The following CARF variants were observed in gnomAD, a reference collection of about 807,000 sequenced individuals.
CARF encodes the protein calcium responsive transcription factor.
Under a neutral mutation model 82.0 loss-of-function variants are expected in CARF, and 57 were observed. The ratio of observed to expected loss-of-function variants is 0.70; its 90% CI spans 0.56 to 0.87. The LOEUF (loss-of-function observed/expected upper bound fraction) is 0.87, where lower values mean the gene tolerates loss of function less well. Among genes scored for constraint, CARF ranks in the 40% least tolerant of loss-of-function variants. The pLI is 0.00. For missense variants in CARF, 771 were observed against 855.8 expected, an observed-to-expected ratio of 0.90 and a Z score of 1.24; for synonymous variants, 268 against 290.1, an observed-to-expected ratio of 0.92 and a Z score of 0.77.
rs2060436303 is a variant in CARF at position 202,986,629 on chromosome 2, A to G, written c.*3005A>G. ...TTTTGTACAAACAGTTAGTATAATT[A>G]AAAGGAAAAGCTTTTATATTTTATG... On this transcript the variant is annotated 3_prime_UTR_variant, in exon 17 of 17. Coordinates refer to ENST00000438828, the MANE Select transcript of CARF (RefSeq NM_024744.17). 1 of 151,864 alleles carries G rather than the reference A, an allele frequency of 6.6e-6. No individual in the cohort carries two copies. Among genetic ancestry groups the G allele is most frequent in the Non-Finnish European group, 1.5e-5 (1 of 67,896 alleles). 9.4% of individuals were successfully genotyped at this position (151,864 alleles called of 1,614,324 possible).
rs67693134 is a variant in CARF, at chr2:202,986,868, GTATATATATATATATATA to G, written c.*3267_*3284del. 2.4e-4 allele frequency: 7 copies of G among 29,652 alleles called. 1 individual carries two copies. Among genetic ancestry groups the G allele is most frequent in the Admixed American group, 8.1e-4 (2 of 2,472 alleles). The allele number at this position is 29,652 out of a possible 1,614,324, so 1.8% of individuals were successfully genotyped here. The stretch of plus-strand genomic sequence containing the variant: ...AAAGAGGTTTAAAAAATGTCTGTGC[GTATATATATATATATATA>G]TATATATATATATATATATATAGCA... On this transcript the variant is annotated 3_prime_UTR_variant, in exon 17 of 17. Transcript: ENST00000438828.
intron 8 of CARF, among the ~76,000 whole-genome samples, chr2:202,956,023 A>G (rs2059021230): frequency 6.6e-6 from 1 of 150,600 alleles, no homozygotes; most frequent in Admixed American, 6.6e-5. Context: ...CTTCACTATC[A>G]TGTTTCTCTA....
chr2:202,914,550 G>A (rs1214036722), intron 1 of CARF, among the ~76,000 whole-genome samples: 4 of 151,936 alleles, frequency 2.6e-5, no homozygotes, highest in Admixed American at 6.6e-5. Flanking sequence ...TGGCTGAGGC[G>A]GGTGGAGCAC....
intron 5 of CARF, among the ~76,000 whole-genome samples, chr2:202,947,733 G>A (rs2058566924): frequency 6.6e-6 from 1 of 152,036 alleles, no homozygotes; most frequent in Admixed American, 6.6e-5. Flanking sequence ...TTTTAAGTTC[G>A]ATATAGATGC....
chr2:202,941,936 C>G lies in CARF; in HGVS notation c.34C>G (p.His12Asp), dbSNP rs577882043. The stretch of plus-strand genomic sequence containing the variant: ...ATCTAATGATTCATTAAGAGTCAAC[C>G]ATAATGACGGTGAAGAGTCAAAAAC... Reference protein sequence around the residue: ...EQSNDSLRVNHNDGEESKTSA... With the variant: ...EQSNDSLRVNDNDGEESKTSA... Residue 12 changes from histidine to aspartate, a missense_variant, in exon 4 of 17, where the codon CAT becomes GAT. By Grantham distance (81) the His-to-Asp change is moderately conservative. Coordinates refer to ENST00000438828, the MANE Select transcript of CARF (RefSeq NM_024744.17). 3.7e-6 allele frequency: 6 copies of G among 1,613,420 alleles called. No individual in the cohort carries two copies. The South Asian group carries it at 5.5e-5, about 15-fold the overall frequency.
At chr2:202,932,768 T>TTAAGACACC (rs753113443) in intron 3 of CARF, among the ~76,000 whole-genome samples, 27 of 151,756 alleles carry the variant, frequency 1.8e-4, no homozygotes, top group Non-Finnish European at 3.2e-4. Context: ...GAGAAGGGTG[T>TTAAGACACC]CTTAGCAGCT....
At chr2:202,921,301 G>A (rs1460322238) in intron 2 of CARF, among the ~76,000 whole-genome samples, 6 of 152,110 alleles carry the variant, frequency 3.9e-5, no homozygotes, top group Admixed American at 2.0e-4. Flanking sequence ...CACTGCACCT[G>A]GCCCAAAGTT....
intron 8 of CARF, among the ~76,000 whole-genome samples, chr2:202,958,329 T>C (rs533017900): frequency 2.2e-4 from 34 of 151,352 alleles, no homozygotes; most frequent in Non-Finnish European, 4.0e-4. Context: ...GGTTTTTCAG[T>C]GGTTTCCTAA....
intron 3 of CARF, chr2:202,925,467 A>G: frequency 3.7e-6 from 1 of 270,678 alleles, no homozygotes; most frequent in Admixed American, 4.2e-5. Flanking sequence ...GCTGAGCTGA[A>G]ACTGAAAGCA....
intron 14 of CARF, among the ~76,000 whole-genome samples, chr2:202,978,017 TG>T (rs1200258784): frequency 2.0e-5 from 3 of 152,160 alleles, no homozygotes; most frequent in Non-Finnish European, 4.4e-5. Flanking sequence ...GGCTAATTTT[TG>T]TATTTTTAGT....
intron 3 of CARF, among the ~76,000 whole-genome samples, chr2:202,936,312 T>G: frequency 6.6e-6 from 1 of 152,190 alleles, no homozygotes; most frequent in East Asian, 1.9e-4. Flanking sequence ...AACTTAAAAT[T>G]AATCCCTTTA....
intron 14 of CARF, among the ~76,000 whole-genome samples, chr2:202,977,619 G>T (rs1338031889): frequency 6.6e-6 from 1 of 152,116 alleles, no homozygotes; most frequent in Non-Finnish European, 1.5e-5. Context: ...ATAACCCTAA[G>T]ATGCCCTGAT....
intron 8 of CARF, among the ~76,000 whole-genome samples, chr2:202,959,725 T>C (rs1374090121): frequency 6.6e-6 from 1 of 151,290 alleles, no homozygotes; most frequent in African/African-American, 2.4e-5. Flanking sequence ...AGGAGAATCA[T>C]CTGAACCCGG....
intron 7 of CARF, among the ~76,000 whole-genome samples, chr2:202,955,252 T>G (rs2058982858): frequency 6.6e-6 from 1 of 152,214 alleles, no homozygotes; most frequent in African/African-American, 2.4e-5. Flanking sequence ...AGACATTATT[T>G]TTGACATTTA....
intron 3 of CARF, among the ~76,000 whole-genome samples, chr2:202,941,280 C>T (rs2105799840): frequency 6.6e-6 from 1 of 152,096 alleles, no homozygotes; most frequent in East Asian, 1.9e-4. Flanking sequence ...AAAATTGCCC[C>T]AATTGAGAAC....
chr2:202,947,169 A>G (rs2058535585), intron 5 of CARF, among the ~76,000 whole-genome samples: 1 of 152,246 alleles, frequency 6.6e-6, no homozygotes, highest in Admixed American at 6.5e-5. Context: ...ATAAAGACAC[A>G]TGGACATGTA....
At position 202,986,866 on chromosome 2, in the gene CARF, G is replaced by A; in HGVS notation, c.*3242G>A. ...AAAAAGAGGTTTAAAAAATGTCTGT[G>A]CGTATATATATATATATATATATAT... On this transcript the variant is annotated 3_prime_UTR_variant, in exon 17 of 17. Coordinates refer to ENST00000438828, the MANE Select transcript of CARF (RefSeq NM_024744.17). The A allele has an allele frequency of 1.0e-4, 1 of 9,626 alleles. No individual in the cohort carries two copies. The highest frequency in any genetic ancestry group is 2.7e-3 in the East Asian group (1 of 372). 0.6% of individuals were successfully genotyped at this position (9,626 alleles called of 1,614,324 possible).
At chr2:202,945,152 C>A (rs1423073007) in intron 5 of CARF, among the ~76,000 whole-genome samples, 1 of 152,112 alleles carries the variant, frequency 6.6e-6, no homozygotes, top group Non-Finnish European at 1.5e-5. Context: ...TTTCAGTGGA[C>A]TGTATTTTTT....
Position 202,982,327 on chromosome 2 carries a change from G to A in CARF, c.1945G>A (p.Val649Ile). 1.9e-6 allele frequency: 3 copies of A among 1,614,130 alleles called. No individual in the cohort carries two copies. The highest frequency in any genetic ancestry group is 2.5e-6 in the Non-Finnish European group (3 of 1,180,004). The part of the protein sequence containing the change: ...DQNLVAMDEL[V>I]EVGDVEDTGN... The stretch of plus-strand genomic sequence containing the variant: ...AAATCTAGTTGCAATGGACGAGCTG[G>A]TAGAAGTTGGAGATGTTGAGGATAC... The change falls in exon 16 of 17, where the codon GTA (valine) becomes ATA (isoleucine). Residue 649 changes from valine to isoleucine, a missense_variant. Coordinates refer to ENST00000438828, the MANE Select transcript of CARF (RefSeq NM_024744.17).
Sources: gnomAD v4.1 joint callset for allele counts (sites outside exome capture counted in the v4.1 genomes callset) on GRCh38, gnomAD v4.1.1 for gene constraint, MANE v1.5 for transcripts, NCBI Gene and HGNC (gene_info 2026-07-23, HGNC 2026-07-21) for gene names.